Variants in SAMD15 observed in about 807,000 individuals in gnomAD.
The protein encoded by SAMD15 is sterile alpha motif domain-containing protein 15.
SAMD15 carries 37 observed loss-of-function variants against 50.5 expected under a neutral mutation model. That is an observed-to-expected ratio of 0.73 (90% CI 0.56 to 0.96). SAMD15 has a LOEUF of 0.96. Among genes scored for constraint, SAMD15 ranks in the 40% least tolerant of loss-of-function variants. SAMD15 has a pLI of 0.00. For synonymous variants in SAMD15, 255 were observed against 282.8 expected (o/e 0.90, Z 0.99); for missense variants, 789 against 783.8 (o/e 1.01, Z -0.08).
chr14:77,382,056 C>T (rs142170787), intron 2 of SAMD15, among the ~76,000 whole-genome samples: 7 of 152,098 alleles, frequency 4.6e-5, no homozygotes, highest in African/African-American at 1.7e-4. Flanking sequence ...CCTGCCTCAG[C>T]CCCCCAAGTA....
chr14:77,377,462 A>G lies in SAMD15; in HGVS notation c.44A>G (p.Asp15Gly), dbSNP rs774276813. ...PEDYDSGPDE[D>G]GELEPERPEL... is the part of the protein sequence containing the mutation. ...GATTATGATTCCGGCCCAGATGAAG[A>G]TGGAGAGCTGGAGCCTGAGAGGCCT... Residue 15 changes from aspartate (D) to glycine (G), a missense_variant, in exon 1 of 3, where the codon GAT becomes GGT. Physicochemically the swap from Asp to Gly is moderately conservative, Grantham distance 94. Coordinates refer to ENST00000216471, the MANE Select transcript of SAMD15 (RefSeq NM_001010860.4). 1.2e-6 allele frequency: 2 copies of G among 1,613,806 alleles called. No individual in the cohort carries two copies. Among genetic ancestry groups the G allele is most frequent in the Non-Finnish European group, 8.5e-7 (1 of 1,179,898 alleles).
chr14:77,383,552 G>T (rs1405595648), intron 2 of SAMD15, among the ~76,000 whole-genome samples: 3 of 152,208 alleles, frequency 2.0e-5, no homozygotes, highest in Non-Finnish European at 4.4e-5. Flanking sequence ...CAAACTTTGA[G>T]ATACTCATTA....
intron 2 of SAMD15, among the ~76,000 whole-genome samples, chr14:77,389,726 C>T (rs1894049622): frequency 6.6e-6 from 1 of 151,880 alleles, no homozygotes; most frequent in African/African-American, 2.4e-5. Context: ...GTCTCGATCT[C>T]CTGACCTCGT....
intron 2 of SAMD15, among the ~76,000 whole-genome samples, chr14:77,389,336 TA>T (rs33981468): frequency 0.56 from 83,615 of 149,126 alleles, 25,741 homozygotes; most frequent in African/African-American, 0.83. Context: ...AGCTTTAAAT[TA>T]AAAAAAAAAC....
intron 2 of SAMD15, among the ~76,000 whole-genome samples, chr14:77,382,629 A>G (rs4899652): frequency 0.53 from 80,364 of 151,280 alleles, 23,125 homozygotes; most frequent in African/African-American, 0.76. Flanking sequence ...TCCATGTTCT[A>G]TTTAACTGTA....
At position 77,378,421 on chromosome 14, in the gene SAMD15, G is replaced by C. The variant is rs1398987059; in HGVS notation, c.1003G>C (p.Glu335Gln). 1 of 1,613,942 alleles carries C rather than the reference G, an allele frequency of 6.2e-7. No homozygotes were observed. The highest frequency in any genetic ancestry group is 8.5e-7 in the Non-Finnish European group (1 of 1,180,000). ...TGAGCCACTAGAAGAGATCAAATTAGAGTTTCCTGAGGAAGAATCAAGAAA... is the reference window on the plus strand; with the variant it reads ...TGAGCCACTAGAAGAGATCAAATTACAGTTTCCTGAGGAAGAATCAAGAAA... ...VPEPLEEIKL[E>Q]FPEEESRKTN... The change falls in exon 1 of 3, where the codon GAG (glutamate) becomes CAG (glutamine). Residue 335 changes from glutamate to glutamine, a missense_variant. This residue lies in a region of SAMD15 where 770 missense variants were observed against 745.4 expected (regional missense o/e 1.03). Transcript: ENST00000216471.
rs1396460884 is a variant in SAMD15 at position 77,391,038 on chromosome 14, GA to G, written c.1822del (p.Ile608LeufsTer22). On this transcript the variant is annotated frameshift_variant, in exon 3 of 3. Transcript: ENST00000216471. LOFTEE classifies it low-confidence loss of function (END_TRUNC). ...TTCTCGGCATACGCAGGAGCTCCTGGAAATTGAAGAGCCATTATTCAAACGC... is the reference window on the plus strand; with the variant it reads ...TTCTCGGCATACGCAGGAGCTCCTGGAATTGAAGAGCCATTATTCAAACGC... ...AISRHTQELL[E>X]IEEPLFKRSI... is the part of the protein sequence containing the mutation. 6.2e-7 allele frequency: 1 copy of G among 1,613,158 alleles called. No individual in the cohort carries two copies. The highest frequency in any genetic ancestry group is 1.7e-5 in the Admixed American group (1 of 59,842).
intron 2 of SAMD15, among the ~76,000 whole-genome samples, chr14:77,381,794 G>A (rs922260635): frequency 6.6e-6 from 1 of 152,096 alleles, no homozygotes; most frequent in Non-Finnish European, 1.5e-5. Flanking sequence ...TCTGCTAATA[G>A]CTATGCTTTG....
intron 2 of SAMD15, among the ~76,000 whole-genome samples, 177 bp from the exon 3 acceptor site, chr14:77,390,831 A>C (rs567918361): frequency 6.6e-6 from 1 of 152,328 alleles, no homozygotes; most frequent in South Asian, 2.1e-4. Flanking sequence ...CAGAGGTGGC[A>C]GTGAGCCAAG....
At chr14:77,386,428 T>C (rs751776561) in intron 2 of SAMD15, among the ~76,000 whole-genome samples, 1 of 152,196 alleles carries the variant, frequency 6.6e-6, no homozygotes, top group African/African-American at 2.4e-5. Context: ...GATTAATCCA[T>C]GTTGTTAGAT....
chr14:77,381,687 T>A (rs1474834229), intron 2 of SAMD15, among the ~76,000 whole-genome samples: 1 of 152,232 alleles, frequency 6.6e-6, no homozygotes, highest in Non-Finnish European at 1.5e-5. Context: ...AAAACTATGC[T>A]TGTTAATACC....
In SAMD15 at chr14:77,391,746, T is replaced by C. The variant is rs17105749; in HGVS notation, c.*502T>C. ...TAAAACAAAGATAGTCACGCTTATC[T>C]TTCTGGGTAATTATAAGAATTCCTG... On this transcript the variant is annotated 3_prime_UTR_variant, in exon 3 of 3. Transcript: ENST00000216471. Among the ~76,000 whole-genome samples, 40,199 of 152,040 alleles carry C rather than the reference T, an allele frequency of 0.26. 5,612 individuals carry two copies. The highest frequency in any genetic ancestry group is 0.32 in the African/African-American group (13,107 of 41,420).
chr14:77,380,593 T>C (rs906105583), intron 2 of SAMD15, 112 bp downstream of exon 2: 12 of 685,848 alleles, frequency 1.7e-5, no homozygotes, highest in Admixed American at 1.4e-4. Context: ...AATGGTGTCA[T>C]CATAATTCCA....
rs1355751234 is a variant in SAMD15 at position 77,391,368 on chromosome 14, C to T, written c.*124C>T. ...TATTTTTTTGAGACAGAGTCTTGCT[C>T]TGTCGCCCAGGCTGGAGTGCAATGG... On this transcript the variant is annotated 3_prime_UTR_variant, in exon 3 of 3. Coordinates refer to ENST00000216471, the MANE Select transcript of SAMD15 (RefSeq NM_001010860.4). The T allele has an allele frequency of 3.1e-6, 2 of 639,920 alleles. No homozygotes were observed. Among genetic ancestry groups the T allele is most frequent in the Non-Finnish European group, 5.2e-6 (2 of 381,258 alleles). The allele number at this position is 639,920 out of a possible 1,614,324, so 39.6% of individuals were successfully genotyped here.
Position 77,378,944 on chromosome 14 carries a change from A to C in SAMD15, c.1526A>C (p.His509Pro). The C allele has an allele frequency of 6.2e-7, 1 of 1,614,194 alleles. No individual in the cohort carries two copies. The highest frequency in any genetic ancestry group is 8.5e-7 in the Non-Finnish European group (1 of 1,180,018). The change falls in exon 1 of 3, where the codon CAT becomes CCT. Residue 509 changes from histidine to proline, a missense_variant. By Grantham distance (77) the His-to-Pro change is moderately conservative. Coordinates refer to ENST00000216471, the MANE Select transcript of SAMD15 (RefSeq NM_001010860.4). ...ESQTELSEFV[H>P]EKEVVDLSQE... ...CAGACAGAATTAAGTGAGTTCGTTC[A>C]TGAAAAGGAAGTTGTAGATTTGTCC...
chr14:77,387,523 A>C lies in SAMD15; in HGVS notation c.1789-3485A>C. ...ACTTCTTGTTTCATTGATGAACTTCAGACACACTTTTAAAAATCACTGAAT... is the reference window on the plus strand; with the variant it reads ...ACTTCTTGTTTCATTGATGAACTTCCGACACACTTTTAAAAATCACTGAAT... On this transcript the variant is annotated intron_variant, in intron 2 of 2. Coordinates refer to ENST00000216471, the MANE Select transcript of SAMD15 (RefSeq NM_001010860.4). Among the ~76,000 whole-genome samples the C allele has an allele frequency of 1.3e-5, 2 of 152,214 alleles. 1 individual carries two copies.
In SAMD15 at chr14:77,377,902, G is replaced by A; in HGVS notation, c.484G>A (p.Val162Met). 6.2e-7 allele frequency: 1 copy of A among 1,614,072 alleles called. No individual in the cohort carries two copies. Among genetic ancestry groups the A allele is most frequent in the East Asian group, 2.2e-5 (1 of 44,874 alleles). Residue 162 changes from valine (V) to methionine (M), a missense_variant, in exon 1 of 3, where the codon GTG (valine) becomes ATG (methionine). Val to Met is a conservative substitution (Grantham distance 21, BLOSUM62 1). Around this residue, in one of 2 missense-constraint regions of SAMD15, gnomAD observed 770 missense variants for 745.4 expected, o/e 1.03. Transcript: ENST00000216471. ...AGCTATGGAAACAGATCCAGATCCA[G>A]TGCCACCAACGGAAACCATGTCTGA... ...ESAMETDPDP[V>M]PPTETMSEVS...
rs1310796515 is a variant in SAMD15 at position 77,391,396 on chromosome 14, C to T, written c.*152C>T. The T allele has an allele frequency of 1.8e-6, 1 of 558,836 alleles. No individual in the cohort carries two copies. Among genetic ancestry groups the T allele is most frequent in the Non-Finnish European group, 3.1e-6 (1 of 320,446 alleles). The allele number at this position is 558,836 out of a possible 1,614,324, so 34.6% of individuals were successfully genotyped here. ...TCGCCCAGGCTGGAGTGCAATGGCA[C>T]AGTCTCAGCTCACTGCAACCTTGCG... On this transcript the variant is annotated 3_prime_UTR_variant, in exon 3 of 3. Transcript: ENST00000216471.
chr14:77,389,656 A>C (rs1384558880), intron 2 of SAMD15, among the ~76,000 whole-genome samples: 1 of 151,986 alleles, frequency 6.6e-6, no homozygotes, highest in Non-Finnish European at 1.5e-5. Flanking sequence ...GCATGCCACC[A>C]CACCTGGCTA....
Sources: gnomAD v4.1 joint callset for allele counts (sites outside exome capture counted in the v4.1 genomes callset) on GRCh38, gnomAD v4.1.1 for gene constraint, gnomAD v4.1.1 regional missense constraint, MANE v1.5 for transcripts, NCBI Gene and HGNC (gene_info 2026-07-23, HGNC 2026-07-21) for gene names.